Variants in CFAP298 observed in about 807,000 individuals in gnomAD.
CFAP298 encodes cilia- and flagella-associated protein 298.
A neutral mutation model predicts 41.0 loss-of-function variants in CFAP298; 38 were observed. The ratio of observed to expected loss-of-function variants is 0.93; its 90% confidence interval spans 0.72 to 1.22. The LOEUF (loss-of-function observed/expected upper bound fraction) is 1.22. Among genes scored for constraint, CFAP298 ranks in the 50% most tolerant of loss-of-function variants. The pLI, the probability that CFAP298 is intolerant of heterozygous loss-of-function variation, is 0.00. For missense variants in CFAP298, 348 were observed against 360.3 expected, an observed-to-expected ratio of 0.97 and a Z score of 0.28; for synonymous variants, 137 against 135.3, an observed-to-expected ratio of 1.01 and a Z score of -0.09.
Position 32,601,797 on chromosome 21 carries a change from TTA to T in CFAP298, c.*64_*65del. On this transcript the variant is annotated 3_prime_UTR_variant, in exon 7 of 7. Coordinates refer to ENST00000290155, the MANE Select transcript of CFAP298 (RefSeq NM_021254.4). ...GCAGTAAGTGGCCTTTTTTTTTTTT[TTA>T]AATTATAATTGCCTAGGAGAAAGGT... The T allele has an allele frequency of 7.1e-6, 6 of 841,926 alleles. No individual in the cohort carries two copies. The highest frequency in any genetic ancestry group is 6.9e-5 in the African/African-American group (4 of 58,232). 52.2% of individuals were successfully genotyped at this position (841,926 alleles called of 1,614,324 possible).
At chr21:32,602,857 G>A (rs914356228) in intron 5 of CFAP298, 24 of 1,411,488 alleles carry the variant, frequency 1.7e-5, no homozygotes, top group Non-Finnish European at 5.5e-6. Flanking sequence ...TCAGTGACGG[G>A]CGAAATTTTA....
chr21:32,604,203 A>G lies in CFAP298; in HGVS notation c.456T>C (p.Ile152=), dbSNP rs1296655535. 6.2e-7 allele frequency: 1 copy of G among 1,613,976 alleles called. No individual in the cohort carries two copies. The highest frequency in any genetic ancestry group is 8.5e-7 in the Non-Finnish European group (1 of 1,180,038). ...ACGGTGGCAACCCCATGGGGTAAAC[A>G]ATCATCACCGCGCCTCGAAGCTGGT... ...ALDQLRGAVM[I]VYPMGLPPYD... The change falls in exon 4 of 7, where the codon ATT becomes ATC. Residue 152 remains isoleucine (I), a synonymous_variant. Coordinates refer to ENST00000290155, the MANE Select transcript of CFAP298 (RefSeq NM_021254.4).
Position 32,603,281 on chromosome 21 carries a change from G to A in CFAP298, c.546C>T (p.Asn182=), listed in dbSNP as rs772452885. ...GCTGCGCCTCTGCCTCTTTAATGAC[G>A]TTGAGCCCTGCCTGGGGCCAGTCGT... The part of the protein sequence containing the change: ...EDLSGTQAGL[N]VIKEAEAQLW... The change falls in exon 5 of 7, where the codon AAC becomes AAT. Residue 182 remains asparagine, a synonymous_variant. Transcript: ENST00000290155. 9.3e-6 allele frequency: 15 copies of A among 1,613,966 alleles called. No individual in the cohort carries two copies. Among genetic ancestry groups the A allele is most frequent in the Admixed American group, 8.3e-5 (5 of 60,026 alleles).
intron 3 of CFAP298, among the ~76,000 whole-genome samples, chr21:32,606,931 G>A (rs1306660913): frequency 6.6e-6 from 1 of 151,418 alleles, no homozygotes; most frequent in Non-Finnish European, 1.5e-5. Flanking sequence ...AAATGCTGAA[G>A]ACAATTACAA....
rs1203736454 is a variant in CFAP298 at position 32,601,866 on chromosome 21, T to C, written c.870A>G (p.Arg290=). The C allele has an allele frequency of 6.3e-7, 1 of 1,574,842 alleles. No individual in the cohort carries two copies. The highest frequency in any genetic ancestry group is 8.7e-7 in the Non-Finnish European group (1 of 1,144,630). ...HGVKDIKWRP[R] is the part of the protein sequence containing the mutation. ...AAGTGTCATCAGCTGGTGAACTTCA[T>C]CTTGGTCTCCACTTTATGTCTTTCA... Residue 290 remains arginine, a synonymous_variant, in exon 7 of 7, where the codon AGA becomes AGG. Transcript: ENST00000290155.
At chr21:32,605,904 G>A (rs2146558795) in intron 3 of CFAP298, among the ~76,000 whole-genome samples, 1 of 152,228 alleles carries the variant, frequency 6.6e-6, no homozygotes, top group Middle Eastern at 3.4e-3. Flanking sequence ...ACCCCCAGTG[G>A]GCATCAGAAT....
At chr21:32,612,040 C>T in intron 1 of CFAP298, 65 bp downstream of exon 1, 2 of 1,463,920 alleles carry the variant, frequency 1.4e-6, no homozygotes, top group South Asian at 1.4e-5. Context: ...CCCACCCTGC[C>T]CCTCTTTCTC....
intron 3 of CFAP298, 56 bp downstream of exon 3, chr21:32,607,593 C>CAA (rs2038894303): frequency 2.0e-6 from 2 of 984,784 alleles, no homozygotes; most frequent in Middle Eastern, 3.3e-4. Context: ...AATTCCATCT[C>CAA]CAAAAAAAAA....
In CFAP298 at chr21:32,599,731, C is replaced by T. The variant is rs189959715; in HGVS notation, c.*2132G>A. On this transcript the variant is annotated 3_prime_UTR_variant, in exon 7 of 7. Coordinates refer to ENST00000290155, the MANE Select transcript of CFAP298 (RefSeq NM_021254.4). ...GAACACACACAGCACGGTGCCACAGCGGGCACCACCTGCCCCCCGCCGTCA... is the reference window on the plus strand; with the variant it reads ...GAACACACACAGCACGGTGCCACAGTGGGCACCACCTGCCCCCCGCCGTCA... Among the ~76,000 whole-genome samples the T allele has an allele frequency of 2.1e-4, 32 of 152,262 alleles. No individual in the cohort carries two copies. Among genetic ancestry groups the T allele is most frequent in the Admixed American group, 1.5e-3 (23 of 15,304 alleles).
At chr21:32,605,056 G>A (rs1001529408) in intron 3 of CFAP298, among the ~76,000 whole-genome samples, 2 of 152,238 alleles carry the variant, frequency 1.3e-5, no homozygotes, top group Non-Finnish European at 2.9e-5. Context: ...GCAGGTGCCT[G>A]TAGTCCCAGC....
rs1043330 is a variant in CFAP298, at chr21:32,601,798, T to A, written c.*65A>T. ...CAGTAAGTGGCCTTTTTTTTTTTTT[T>A]AAATTATAATTGCCTAGGAGAAAGG... On this transcript the variant is annotated 3_prime_UTR_variant, in exon 7 of 7. Transcript: ENST00000290155. 28,313 of 805,666 alleles carry A rather than the reference T, an allele frequency of 0.035. 525 individuals carry two copies. Among genetic ancestry groups the A allele is most frequent in the Middle Eastern group, 0.061 (225 of 3,708 alleles). The allele number at this position is 805,666 out of a possible 1,614,324, so 49.9% of individuals were successfully genotyped here.
At chr21:32,603,094 G>A (rs763624259) in intron 5 of CFAP298, 67 bp downstream of exon 5, 5 of 1,559,400 alleles carry the variant, frequency 3.2e-6, no homozygotes, top group Non-Finnish European at 4.4e-6. Flanking sequence ...CGGATTCACT[G>A]TACATTTTTA....
intron 2 of CFAP298, among the ~76,000 whole-genome samples, chr21:32,608,224 C>CAAAAAAAA (rs751998741): frequency 4.3e-5 from 4 of 93,920 alleles, no homozygotes; most frequent in Non-Finnish European, 6.4e-5. Context: ...GCTTAGAAGC[C>CAAAAAAAA]AAAAAAAAAA....
intron 4 of CFAP298, 128 bp downstream of exon 4, chr21:32,603,997 G>A: frequency 2.3e-6 from 2 of 872,566 alleles, no homozygotes; most frequent in Non-Finnish European, 1.8e-6. Context: ...CTGCTCTGAA[G>A]CAGGGCATAG....
rs989865076 is a variant in CFAP298, at chr21:32,601,634, C to T, written c.*229G>A. 7 of 436,378 alleles carry T rather than the reference C, an allele frequency of 1.6e-5. No homozygotes were observed. Among genetic ancestry groups the T allele is most frequent in the African/African-American group, 1.2e-4 (6 of 50,444 alleles). 27.0% of individuals were successfully genotyped at this position (436,378 alleles called of 1,614,324 possible). Reference sequence around the variant, plus strand: ...TTTTATCAAAGAAAACCATGACATACTAAATAGTCCTGAAACAAAAACGAT... The same window carrying T: ...TTTTATCAAAGAAAACCATGACATATTAAATAGTCCTGAAACAAAAACGAT... On this transcript the variant is annotated 3_prime_UTR_variant, in exon 7 of 7. Coordinates refer to ENST00000290155, the MANE Select transcript of CFAP298 (RefSeq NM_021254.4).
chr21:32,604,999 C>A (rs901582325), intron 3 of CFAP298, among the ~76,000 whole-genome samples: 2 of 152,184 alleles, frequency 1.3e-5, no homozygotes, highest in African/African-American at 4.8e-5. Context: ...GCCAACATGG[C>A]AAAGCCCTGT....
Position 32,605,416 on chromosome 21 carries a change from A to C in CFAP298, c.376-1133T>G, listed in dbSNP as rs184063638. On this transcript the variant is annotated intron_variant, in intron 3 of 6. Transcript: ENST00000290155. ...AACCTGTAGTCCGCGCTGGGTTTCAAGGAAGGGGCTGGCCGTGCCTGGGAG... is the reference window on the plus strand; with the variant it reads ...AACCTGTAGTCCGCGCTGGGTTTCACGGAAGGGGCTGGCCGTGCCTGGGAG... Among the ~76,000 whole-genome samples, 497 of 152,282 alleles carry C rather than the reference A, an allele frequency of 3.3e-3. 10 individuals are homozygous for C. The South Asian group carries it at 0.038, about 12-fold the overall frequency.
At chr21:32,608,656 CAAAA>C (rs57270252) in intron 2 of CFAP298, among the ~76,000 whole-genome samples, 1 of 54,992 alleles carries the variant, frequency 1.8e-5, no homozygotes, top group Admixed American at 2.1e-4. Flanking sequence ...GACTCTGTCT[CAAAA>C]AAAAAAAAAA....
rs1191293722 is a variant in CFAP298, at chr21:32,601,003, G to A, written c.*860C>T. On this transcript the variant is annotated 3_prime_UTR_variant, in exon 7 of 7. Transcript: ENST00000290155. Reference sequence around the variant, plus strand: ...AACTTCACCTTCAAGGCCAGGCAACGCCTGGCTACAGTTAGACCCCGCAGC... The same window carrying A: ...AACTTCACCTTCAAGGCCAGGCAACACCTGGCTACAGTTAGACCCCGCAGC... Among the ~76,000 whole-genome samples the A allele has an allele frequency of 6.6e-6, 1 of 152,062 alleles. No individual in the cohort carries two copies.
Sources: gnomAD v4.1 joint callset for allele counts (sites outside exome capture counted in the v4.1 genomes callset) on GRCh38, gnomAD v4.1.1 for gene constraint, MANE v1.5 for transcripts, NCBI Gene and HGNC (gene_info 2026-07-23, HGNC 2026-07-21) for gene names.